Variants in GLT8D2 observed in about 807,000 individuals in gnomAD.
The protein encoded by GLT8D2 is glycosyltransferase 8 domain-containing protein 2.
GLT8D2 carries 45 observed loss-of-function variants against 44.5 expected under a neutral mutation model. That is an observed-to-expected ratio of 1.01 (90% CI 0.80 to 1.30). The LOEUF (loss-of-function observed/expected upper bound fraction) is 1.30, where lower values mean the gene tolerates loss of function less well. Among genes scored for constraint, GLT8D2 ranks in the 50% most tolerant of loss-of-function variants. The pLI, the probability that GLT8D2 is intolerant of heterozygous loss-of-function variation, is 0.00. For synonymous variants in GLT8D2, 156 were observed against 157.2 expected (o/e 0.99, Z 0.06); for missense variants, 400 against 430.4 (o/e 0.93, Z 0.62).
At chr12:104,002,729 A>T (rs1434436750) in intron 5 of GLT8D2, among the ~76,000 whole-genome samples, 1 of 152,140 alleles carries the variant, frequency 6.6e-6, no homozygotes, top group East Asian at 1.9e-4. Context: ...GGATTGCTTG[A>T]ACCCAGGATT....
At chr12:104,017,053 A>G (rs750044976) in intron 3 of GLT8D2, among the ~76,000 whole-genome samples, 1 of 152,182 alleles carries the variant, frequency 6.6e-6, no homozygotes, top group African/African-American at 2.4e-5. Flanking sequence ...AGTATGGAAC[A>G]TATAGCACTG....
chr12:104,022,729 T>C (rs1251070080), intron 1 of GLT8D2, among the ~76,000 whole-genome samples: 1 of 151,340 alleles, frequency 6.6e-6, no homozygotes, highest in Non-Finnish European at 1.5e-5. Flanking sequence ...TTCATATATA[T>C]AAGTAAGCAC....
chr12:104,018,426 T>G (rs565298288), intron 3 of GLT8D2, among the ~76,000 whole-genome samples: 6 of 152,330 alleles, frequency 3.9e-5, no homozygotes, highest in African/African-American at 2.4e-5. Flanking sequence ...GATTCTATTT[T>G]GCTGACACCC....
chr12:104,045,887 A>AT (rs1384051913), intron 1 of GLT8D2, among the ~76,000 whole-genome samples: 18 of 137,864 alleles, frequency 1.3e-4, no homozygotes, highest in Non-Finnish European at 2.6e-4. Flanking sequence ...AAAAGAAAAG[A>AT]AAGATAAGAA....
intron 3 of GLT8D2, among the ~76,000 whole-genome samples, chr12:104,015,393 A>AACACACACACACACACACAC (rs55732553): frequency 2.3e-4 from 29 of 126,180 alleles, no homozygotes; most frequent in Admixed American, 3.2e-4. Flanking sequence ...AACAACAACA[A>AACACACACACACACACACAC]ACACACACAC....
At chr12:104,016,926 C>T (rs557494665) in intron 3 of GLT8D2, among the ~76,000 whole-genome samples, 1 of 151,864 alleles carries the variant, frequency 6.6e-6, no homozygotes, top group East Asian at 1.9e-4. Context: ...GAAAGAAATT[C>T]TTGCCCTGGT....
chr12:103,996,285 A>T (rs1277231552), intron 8 of GLT8D2, among the ~76,000 whole-genome samples: 5 of 152,206 alleles, frequency 3.3e-5, no homozygotes, highest in Admixed American at 3.3e-4. Context: ...GAAGGGGGAT[A>T]AAAGTGATGG....
intron 10 of GLT8D2, among the ~76,000 whole-genome samples, 156 bp from the exon 11 acceptor site, chr12:103,989,733 G>C (rs1443237629): frequency 6.6e-6 from 1 of 152,102 alleles, no homozygotes; most frequent in Non-Finnish European, 1.5e-5. Context: ...ATCAACCACT[G>C]TTAGTCTCTT....
At chr12:104,012,790 C>T (rs1007971078) in intron 4 of GLT8D2, 2 of 696,822 alleles carry the variant, frequency 2.9e-6, no homozygotes, top group African/African-American at 1.8e-5. Context: ...TAAAATGAAG[C>T]CATTTGGTAG....
intron 1 of GLT8D2, among the ~76,000 whole-genome samples, chr12:104,063,025 C>T (rs2136572508): frequency 6.6e-6 from 1 of 152,166 alleles, no homozygotes; most frequent in South Asian, 2.1e-4. Flanking sequence ...CTATGAGAAT[C>T]TTATGCCTGA....
Position 103,995,723 on chromosome 12 carries a change from G to C in GLT8D2, c.600+1012C>G, listed in dbSNP as rs562820347. ...AATAAGTCATTGTTGAATGAATGTT[G>C]TACAGGGCAGGACATACACATTCTT... is the stretch of plus-strand genomic sequence containing the variant. On this transcript the variant is annotated intron_variant, in intron 8 of 10. Transcript: ENST00000360814. 4.2e-3 allele frequency among the ~76,000 whole-genome samples: 640 copies of C among 152,282 alleles called. 3 individuals carry two copies. Among genetic ancestry groups the C allele is most frequent in the South Asian group, 0.018 (89 of 4,824 alleles).
At chr12:103,991,179 G>A (rs1479328805) in intron 10 of GLT8D2, among the ~76,000 whole-genome samples, 3 of 152,224 alleles carry the variant, frequency 2.0e-5, no homozygotes, top group African/African-American at 7.2e-5. Context: ...TGTCAGTAAA[G>A]TGGATATTTC....
At chr12:104,019,792 T>C (rs1877390173) in intron 2 of GLT8D2, 116 bp from the exon 3 acceptor site, 3 of 578,176 alleles carry the variant, frequency 5.2e-6, no homozygotes, top group Non-Finnish European at 8.9e-6. Context: ...TGTGTGATCA[T>C]TTTTTACTGC....
Position 103,989,397 on chromosome 12 carries a change from GTAGAGTTA to G in GLT8D2, c.*3_*10del, listed in dbSNP as rs1396712377. 3 of 1,594,912 alleles carry G rather than the reference GTAGAGTTA, an allele frequency of 1.9e-6. No individual in the cohort carries two copies. Among genetic ancestry groups the G allele is most frequent in the Admixed American group, 1.8e-5 (1 of 56,356 alleles). Reference sequence around the variant, plus strand: ...TTTCTATACAGGGAATATTTTAAGGGTAGAGTTATATCAGCTATGGTGATTGAGTTTAA... The same window carrying G: ...TTTCTATACAGGGAATATTTTAAGGGTATCAGCTATGGTGATTGAGTTTAA... On this transcript the variant is annotated 3_prime_UTR_variant, in exon 11 of 11. Transcript: ENST00000360814.
At chr12:104,039,171 A>C in intron 1 of GLT8D2, among the ~76,000 whole-genome samples, 1 of 152,252 alleles carries the variant, frequency 6.6e-6, no homozygotes, top group Admixed American at 6.5e-5. Context: ...CTTAAATGTT[A>C]GACCTAAAAC....
At chr12:104,014,190 C>A in intron 4 of GLT8D2, 2 of 653,138 alleles carry the variant, frequency 3.1e-6, no homozygotes, top group South Asian at 3.3e-5. Flanking sequence ...ATGGCAAAAC[C>A]CATTTCTACA....
chr12:104,016,775 G>GAAAGAAAGA lies in GLT8D2; in HGVS notation c.20-1671_20-1670insTCTTTCTTT. On this transcript the variant is annotated intron_variant, in intron 3 of 10. Coordinates refer to ENST00000360814, the MANE Select transcript of GLT8D2 (RefSeq NM_001384711.1). The stretch of plus-strand genomic sequence containing the variant: ...AGAAAGAAAGAAAGAAAGAAAGAAA[G>GAAAGAAAGA]AAGGAAGGAAGGAAGGAAGGAAGGA... Among the ~76,000 whole-genome samples the GAAAGAAAGA allele has an allele frequency of 2.7e-5, 2 of 74,698 alleles. 1 individual carries two copies. 49.0% of individuals were successfully genotyped at this position (74,698 alleles called of 152,430 possible). A position where few individuals can be genotyped will look rare whatever the true frequency, so the allele number is the denominator to read the frequency against.
chr12:103,996,701 T>G (rs768689085), intron 8 of GLT8D2, 34 bp downstream of exon 8: 17 of 1,461,470 alleles, frequency 1.2e-5, no homozygotes, highest in Admixed American at 1.7e-5. Flanking sequence ...AGTTGTAGAG[T>G]GAAGGGAGGA....
rs554448762 is a variant in GLT8D2 at position 104,007,273 on chromosome 12, C to T, written c.113-3967G>A. Among the ~76,000 whole-genome samples the T allele has an allele frequency of 3.9e-3, 327 of 84,284 alleles. 2 individuals are homozygous for T. The highest frequency in any genetic ancestry group is 0.01 in the African/African-American group (307 of 29,532). The allele number at this position is 84,284 out of a possible 152,430, so 55.3% of individuals were successfully genotyped here. A position where few individuals can be genotyped will look rare whatever the true frequency, so the allele number is the denominator to read the frequency against. On this transcript the variant is annotated intron_variant, in intron 4 of 10. Coordinates refer to ENST00000360814, the MANE Select transcript of GLT8D2 (RefSeq NM_001384711.1). ...CTCTCTCTCTCTCTCTCTCCCCCCGCTCTCTCCACCTGCTCTCTCCCCCTC... is the reference window on the plus strand; with the variant it reads ...CTCTCTCTCTCTCTCTCTCCCCCCGTTCTCTCCACCTGCTCTCTCCCCCTC...
Sources: gnomAD v4.1 joint callset for allele counts (sites outside exome capture counted in the v4.1 genomes callset) on GRCh38, gnomAD v4.1.1 for gene constraint, MANE v1.5 for transcripts, NCBI Gene and HGNC (gene_info 2026-07-23, HGNC 2026-07-21) for gene names.